The following WDR33 variants were observed in gnomAD, a reference collection of about 807,000 sequenced individuals.
The protein encoded by WDR33 is WD repeat domain 33, also known as pre-mRNA 3' end processing protein WDR33.
A neutral mutation model predicts 164.9 loss-of-function variants in WDR33; 47 were observed. The observed-to-expected ratio is 0.29, with a 90% CI of 0.23 to 0.36. The LOEUF is 0.36. WDR33 is among the 10% of genes least tolerant of loss of function. WDR33 has a pLI of 1.00. For missense variants in WDR33, 1,137 were observed against 1,754.1 expected (o/e 0.65, Z 6.28); for synonymous variants, 505 against 589.0 (o/e 0.86, Z 2.06).
chr2:127,735,486 TTC>T lies in WDR33; in HGVS notation c.725-8711_725-8710del. 1.0e-6 allele frequency: 1 copy of T among 984,598 alleles called. No individual in the cohort carries two copies. The allele number at this position is 984,598 out of a possible 1,614,324, so 61.0% of individuals were successfully genotyped here. ...TTTTATGAACAAATCTTAAAAAAAATTCTTTTATACAAAACTTATAAAAAGCA... is the reference window on the plus strand; with the variant it reads ...TTTTATGAACAAATCTTAAAAAAAATTTTTATACAAAACTTATAAAAAGCA... On this transcript the variant is annotated intron_variant, in intron 7 of 21. Transcript: ENST00000322313. The surrounding 1 kb of genome is among the most constrained non-coding windows in gnomAD (Gnocchi z 4.3).
Position 127,763,197 on chromosome 2 carries a change from G to C in WDR33, c.627-38C>G. On this transcript the variant is annotated intron_variant, in intron 6 of 21. Transcript: ENST00000322313. The surrounding 1 kb of genome is among the most constrained non-coding windows in gnomAD (Gnocchi z 4.5). ...GACACACAGCAGGGGAAAGAAGTCAGCATTTAACAGATAATCTGTGCTTCT... is the reference window on the plus strand; with the variant it reads ...GACACACAGCAGGGGAAAGAAGTCACCATTTAACAGATAATCTGTGCTTCT... 6.2e-7 allele frequency: 1 copy of C among 1,613,540 alleles called. No individual in the cohort carries two copies. The highest frequency in any genetic ancestry group is 8.5e-7 in the Non-Finnish European group (1 of 1,179,604).
Position 127,703,325 on chromosome 2 carries a change from C to T in WDR33, c.*2998G>A, listed in dbSNP as rs1425304057. ...CCTTTTTAAAGCTCCCCAAGTGATT[C>T]TACGTTCCCCAAGTTTGAGGACCAC... On this transcript the variant is annotated 3_prime_UTR_variant, in exon 22 of 22. Transcript: ENST00000322313. 6.0e-6 allele frequency: 1 copy of T among 167,074 alleles called. No individual in the cohort carries two copies. The highest frequency in any genetic ancestry group is 2.4e-5 in the African/African-American group (1 of 41,458). 10.3% of individuals were successfully genotyped at this position (167,074 alleles called of 1,614,324 possible).
intron 7 of WDR33, among the ~76,000 whole-genome samples, chr2:127,747,382 T>A (rs1413127584): frequency 6.6e-6 from 1 of 152,034 alleles, no homozygotes; most frequent in Non-Finnish European, 1.5e-5. Context: ...TCTGAAAACA[T>A]TTTATCCTCA....
Position 127,703,657 on chromosome 2 carries a change from T to TATC in WDR33, c.*2663_*2665dup. ...GCTGCTTGTGAGAGAGCAAATGCAG[T>TATC]ATCTTCAGAATGATTTATTTTTTTA... On this transcript the variant is annotated 3_prime_UTR_variant, in exon 22 of 22. Transcript: ENST00000322313. 1 of 167,198 alleles carries TATC rather than the reference T, an allele frequency of 6.0e-6. No homozygotes were observed. 10.4% of individuals were successfully genotyped at this position (167,198 alleles called of 1,614,324 possible). A position where few individuals can be genotyped will look rare whatever the true frequency, so the allele number is the denominator to read the frequency against.
At position 127,764,384 on chromosome 2, in the gene WDR33, C is replaced by A; in HGVS notation, c.626+444G>T. On this transcript the variant is annotated intron_variant, in intron 6 of 21. Transcript: ENST00000322313. The surrounding 1 kb of genome is among the most constrained non-coding windows in gnomAD (Gnocchi z 6.2). ...CTTTGGAAGTCGTGGCATAACCAAGCCAACCAGGTCTTCACTTAAGCCTTT... is the reference window on the plus strand; with the variant it reads ...CTTTGGAAGTCGTGGCATAACCAAGACAACCAGGTCTTCACTTAAGCCTTT... 1 of 1,433,068 alleles carries A rather than the reference C, an allele frequency of 7.0e-7. No homozygotes were observed. The highest frequency in any genetic ancestry group is 9.1e-7 in the Non-Finnish European group (1 of 1,095,660). 88.8% of individuals were successfully genotyped at this position (1,433,068 alleles called of 1,614,324 possible).
In WDR33 at chr2:127,719,560, T is replaced by C; in HGVS notation, c.2465A>G (p.His822Arg). ...AGGACCTCTCATTTCCTGAGGGCCGTGTCCCAGTAGTCCACCTGGAGGGTG... is the reference window on the plus strand; with the variant it reads ...AGGACCTCTCATTTCCTGAGGGCCGCGTCCCAGTAGTCCACCTGGAGGGTG... ...GPHPPGGLLG[H>R]GPQEMRGPQE... The change falls in exon 16 of 22, where the codon CAC (histidine) becomes CGC (arginine). Residue 822 changes from histidine to arginine, a missense_variant. Around this residue, in one of 9 missense-constraint regions of WDR33, gnomAD observed 867 missense variants for 1,073.0 expected, o/e 0.81. Transcript: ENST00000322313. This position sits in a 1 kb window ranked among gnomAD's most constrained non-coding sequence, Gnocchi z 6.5. 5 of 1,613,890 alleles carry C rather than the reference T, an allele frequency of 3.1e-6. No individual in the cohort carries two copies. Among genetic ancestry groups the C allele is most frequent in the Non-Finnish European group, 4.2e-6 (5 of 1,179,948 alleles).
chr2:127,730,788 A>G (rs1363571141), intron 7 of WDR33, among the ~76,000 whole-genome samples: 1 of 152,240 alleles, frequency 6.6e-6, no homozygotes, highest in African/African-American at 2.4e-5. Context: ...AATCACATTG[A>G]GAATAATGGA....
intron 1 of WDR33, among the ~76,000 whole-genome samples, chr2:127,794,467 C>T (rs932586554): frequency 2.0e-5 from 3 of 151,438 alleles, no homozygotes; most frequent in Non-Finnish European, 2.9e-5. Context: ...CACCATCGCA[C>T]CCCAGCCTGG....
At chr2:127,754,899 G>A (rs1166007685) in intron 7 of WDR33, among the ~76,000 whole-genome samples, 1 of 152,034 alleles carries the variant, frequency 6.6e-6, no homozygotes, top group East Asian at 1.9e-4. Flanking sequence ...TTTTAACCCA[G>A]CTAAATACTA....
intron 1 of WDR33, among the ~76,000 whole-genome samples, chr2:127,800,569 G>A (rs992658301): frequency 1.3e-5 from 2 of 150,496 alleles, no homozygotes; most frequent in East Asian, 2.0e-4. Context: ...CCCAGGAGTC[G>A]GAGCTTGCAG....
chr2:127,771,040 C>A, intron 1 of WDR33, 36 bp from the exon 2 acceptor site: 3 of 1,514,206 alleles, frequency 2.0e-6, no homozygotes, highest in Non-Finnish European at 1.8e-6. Context: ...CTACAAATAT[C>A]AGCACTGCAA....
In WDR33 at chr2:127,765,351, G is replaced by A. The variant is rs1687789991; in HGVS notation, c.379-82C>T. ...CATATTAAAGGTATTTGTAAAACATGCAATAACTGACATTAAATAATGATA... is the reference window on the plus strand; with the variant it reads ...CATATTAAAGGTATTTGTAAAACATACAATAACTGACATTAAATAATGATA... On this transcript the variant is annotated intron_variant, in intron 4 of 21. Transcript: ENST00000322313. The A allele has an allele frequency of 4.2e-6, 4 of 952,608 alleles. No homozygotes were observed. The East Asian group carries it at 1.0e-4, about 24-fold the overall frequency. The allele number at this position is 952,608 out of a possible 1,614,324, so 59.0% of individuals were successfully genotyped here.
chr2:127,784,416 ACT>A (rs1285749408), intron 1 of WDR33, among the ~76,000 whole-genome samples: 2 of 152,136 alleles, frequency 1.3e-5, no homozygotes, highest in South Asian at 2.1e-4. Flanking sequence ...ACAGGGTCTC[ACT>A]CTGTCACCCA....
rs571123843 is a variant in WDR33 at position 127,790,170 on chromosome 2, G to C, written c.-23-19166C>G. Among the ~76,000 whole-genome samples, 5 of 152,230 alleles carry C rather than the reference G, an allele frequency of 3.3e-5. No individual in the cohort carries two copies. The East Asian group carries it at 9.6e-4, about 29-fold the overall frequency. On this transcript the variant is annotated intron_variant, in intron 1 of 21. Coordinates refer to ENST00000322313, the MANE Select transcript of WDR33 (RefSeq NM_018383.5). Reference sequence around the variant, plus strand: ...TTATCATGAAAGTATACTGGAGTTTGTCAAATACTTATTCTCCATCTAAAG... The same window carrying C: ...TTATCATGAAAGTATACTGGAGTTTCTCAAATACTTATTCTCCATCTAAAG...
chr2:127,800,921 T>G (rs971832729), intron 1 of WDR33, among the ~76,000 whole-genome samples: 1 of 151,928 alleles, frequency 6.6e-6, no homozygotes, highest in Non-Finnish European at 1.5e-5. Context: ...CAGTCTAACT[T>G]CTGAAACTCA....
chr2:127,736,931 T>C, intron 7 of WDR33: 1 of 985,300 alleles, frequency 1.0e-6, no homozygotes, highest in Non-Finnish European at 1.2e-6. Context: ...ATCTTGAGAA[T>C]TATGAAATGG....
rs1686078463 is a variant in WDR33 at position 127,708,760 on chromosome 2, C to T, written c.3698G>A (p.Arg1233His). 1.9e-6 allele frequency: 3 copies of T among 1,613,736 alleles called. No homozygotes were observed. Among genetic ancestry groups the T allele is most frequent in the South Asian group, 1.1e-5 (1 of 90,992 alleles). ...AGTGCCTGGGCCATCATGCCAGGGGCGCTTTCGGGGAGGTAGGGATGCCAT... is the reference window on the plus strand; with the variant it reads ...AGTGCCTGGGCCATCATGCCAGGGGTGCTTTCGGGGAGGTAGGGATGCCAT... ...MDMASLPPRK[R>H]PWHDGPGTSE... Residue 1233 changes from arginine (R) to histidine (H), a missense_variant, in exon 21 of 22, where the codon CGC becomes CAC. Physicochemically the swap from Arg to His is conservative, Grantham distance 29. Coordinates refer to ENST00000322313, the MANE Select transcript of WDR33 (RefSeq NM_018383.5). The surrounding 1 kb of genome is among the most constrained non-coding windows in gnomAD (Gnocchi z 6.7).
At chr2:127,792,814 G>A (rs1688887424) in intron 1 of WDR33, among the ~76,000 whole-genome samples, 2 of 152,078 alleles carry the variant, frequency 1.3e-5, no homozygotes, top group Non-Finnish European at 1.5e-5. Context: ...TTCACTTGAC[G>A]ACTCTGTTAT....
Position 127,701,661 on chromosome 2 carries a change from G to A in WDR33, c.*4662C>T, listed in dbSNP as rs1235655092. The A allele has an allele frequency of 7.7e-7, 1 of 1,292,390 alleles. No homozygotes were observed. The highest frequency in any genetic ancestry group is 9.8e-7 in the Non-Finnish European group (1 of 1,025,022). 80.1% of individuals were successfully genotyped at this position (1,292,390 alleles called of 1,614,324 possible). On this transcript the variant is annotated 3_prime_UTR_variant, in exon 22 of 22. Transcript: ENST00000322313. Reference sequence around the variant, plus strand: ...GGACCGGCCGGCGGAGGAGTGGCTGGGCCGCGCGGGCTTGCGCTGGACGTG... The same window carrying A: ...GGACCGGCCGGCGGAGGAGTGGCTGAGCCGCGCGGGCTTGCGCTGGACGTG...
Sources: allele counts gnomAD v4.1 joint callset (sites outside exome capture counted in the v4.1 genomes callset), GRCh38; gene constraint gnomAD v4.1.1; regional missense constraint gnomAD v4.1.1; non-coding constraint Gnocchi (gnomAD v3.1); transcripts MANE v1.5; gene names NCBI Gene and HGNC (gene_info 2026-07-23, HGNC 2026-07-21).